KCNV1: variants seen among roughly 807,000 people sequenced by gnomAD.
The protein encoded by KCNV1 is potassium voltage-gated channel subfamily V member 1.
In KCNV1, 2 loss-of-function variants were observed where a neutral mutation model predicts 36.4. The ratio of observed to expected loss-of-function variants is 0.05; its 90% CI spans 0.02 to 0.17. The LOEUF is 0.17. KCNV1 is among the 10% of genes least tolerant of loss of function. The probability of loss-of-function intolerance (pLI) is 1.00; values close to 1 mark genes in which losing one functional copy is unlikely to be tolerated. For synonymous variants in KCNV1, 280 were observed against 261.1 expected, an observed-to-expected ratio of 1.07 and a Z score of -0.70; for missense variants, 321 against 643.6, an observed-to-expected ratio of 0.50 and a Z score of 5.42.
Position 109,972,287 on chromosome 8 carries a change from C to G in KCNV1, c.962G>C (p.Arg321Pro). ...GGAATGTCTGCCCAGCTTTAGCATGCGCAGAGCCCTGAGCAGCCTCAACAC... is the reference window on the plus strand; with the variant it reads ...GGAATGTCTGCCCAGCTTTAGCATGGGCAGAGCCCTGAGCAGCCTCAACAC... ...VQVLRLLRAL[R>P]MLKLGRHSTG... The change falls in exon 3 of 4, where the codon CGC (arginine) becomes CCC (proline). Residue 321 changes from arginine (R) to proline (P), a missense_variant. This residue lies in a region of KCNV1 where 141 missense variants were observed against 225.0 expected (regional missense o/e 0.63). Transcript: ENST00000524391. The surrounding 1 kb of genome is among the most constrained non-coding windows in gnomAD (Gnocchi z 5.2). The G allele has an allele frequency of 6.2e-7, 1 of 1,608,568 alleles. No homozygotes were observed. Among genetic ancestry groups the G allele is most frequent in the Non-Finnish European group, 8.5e-7 (1 of 1,177,606 alleles).
rs765796716 is a variant in KCNV1, at chr8:109,972,426, G to A, written c.823C>T (p.Pro275Ser). Residue 275 changes from proline (P) to serine (S), a missense_variant, in exon 3 of 4, where the codon CCA (proline) becomes TCA (serine). Pro to Ser is a moderately conservative substitution (Grantham distance 74, BLOSUM62 -1). This residue lies in a region of KCNV1 where 141 missense variants were observed against 225.0 expected (regional missense o/e 0.63). Transcript: ENST00000524391. This position sits in a 1 kb window ranked among gnomAD's most constrained non-coding sequence, Gnocchi z 5.2. ...RDRCRFLRKV[P>S]NIIDLLAILP... ...ATGGCAAGGAGGTCTATGATGTTTG[G>A]CACCTTTCTTAGGAAGCGACACCTG... 1 of 1,614,128 alleles carries A rather than the reference G, an allele frequency of 6.2e-7. No homozygotes were observed. The highest frequency in any genetic ancestry group is 8.5e-7 in the Non-Finnish European group (1 of 1,180,038).
rs1820062373 is a variant in KCNV1, at chr8:109,974,925, T to C, written c.-537A>G. The C allele has an allele frequency of 6.4e-6, 1 of 155,220 alleles. No homozygotes were observed. Among genetic ancestry groups the C allele is most frequent in the Non-Finnish European group, 1.4e-5 (1 of 70,132 alleles). 9.6% of individuals were successfully genotyped at this position (155,220 alleles called of 1,614,324 possible). On this transcript the variant is annotated 5_prime_UTR_variant, in exon 2 of 4. Transcript: ENST00000524391. This position sits in a 1 kb window ranked among gnomAD's most constrained non-coding sequence, Gnocchi z 6.2. ...AAGCAAGGGGGATGGCGAGACTCACTCCTGCCCGCAGGAGACCAAAACAAA... is the reference window on the plus strand; with the variant it reads ...AAGCAAGGGGGATGGCGAGACTCACCCCTGCCCGCAGGAGACCAAAACAAA...
chr8:109,973,848 G>A lies in KCNV1; in HGVS notation c.461+80C>T, dbSNP rs1425430794. 6.4e-6 allele frequency: 6 copies of A among 936,474 alleles called. No homozygotes were observed. In the South Asian group the frequency reaches 9.5e-5, roughly 15 times the overall value. 58.0% of individuals were successfully genotyped at this position (936,474 alleles called of 1,614,324 possible). Reference sequence around the variant, plus strand: ...CTGGCTCCAGCGAAGCTTGTGTAAAGCCTCAAATCTACCTGTGCCTTCCTC... The same window carrying A: ...CTGGCTCCAGCGAAGCTTGTGTAAAACCTCAAATCTACCTGTGCCTTCCTC... On this transcript the variant is annotated intron_variant, in intron 2 of 3. Coordinates refer to ENST00000524391, the MANE Select transcript of KCNV1 (RefSeq NM_014379.4).
rs1354564143 is a variant in KCNV1 at position 109,972,187 on chromosome 8, T to C, written c.991+71A>G. On this transcript the variant is annotated intron_variant, in intron 3 of 3. Coordinates refer to ENST00000524391, the MANE Select transcript of KCNV1 (RefSeq NM_014379.4). This position sits in a 1 kb window ranked among gnomAD's most constrained non-coding sequence, Gnocchi z 5.2. ...GAATATCAGTTCAGCGTTACTTTCCTTGTACTGTGGTCAAAAAACGAATGC... is the reference window on the plus strand; with the variant it reads ...GAATATCAGTTCAGCGTTACTTTCCCTGTACTGTGGTCAAAAAACGAATGC... The C allele has an allele frequency of 1.4e-6, 2 of 1,446,046 alleles. No individual in the cohort carries two copies. The highest frequency in any genetic ancestry group is 1.9e-6 in the Non-Finnish European group (2 of 1,069,504). 89.6% of individuals were successfully genotyped at this position (1,446,046 alleles called of 1,614,324 possible).
At position 109,967,106 on chromosome 8, in the gene KCNV1, T is replaced by C. The variant is rs895374671; in HGVS notation, c.*982A>G. On this transcript the variant is annotated 3_prime_UTR_variant, in exon 4 of 4. Transcript: ENST00000524391. ...CTGCAAAGTTTGAACATTTGCTATT[T>C]ACCCCAACAATCAGAAAGCTGTCCA... 3 of 152,216 alleles carry C rather than the reference T, an allele frequency of 2.0e-5. No individual in the cohort carries two copies. The highest frequency in any genetic ancestry group is 4.4e-5 in the Non-Finnish European group (3 of 68,020). The allele number at this position is 152,216 out of a possible 1,614,324, so 9.4% of individuals were successfully genotyped here.
chr8:109,973,406 T>G (rs567507473), intron 2 of KCNV1, among the ~76,000 whole-genome samples: 16 of 152,342 alleles, frequency 1.1e-4, no homozygotes, highest in African/African-American at 1.7e-4. Context: ...TGGAACTTTT[T>G]TGTGTGTGTG....
Position 109,963,772 on chromosome 8 carries a change from T to C in KCNV1, c.*4316A>G, listed in dbSNP as rs188697092. 1 of 152,304 alleles carries C rather than the reference T, an allele frequency of 6.6e-6. No homozygotes were observed. Among genetic ancestry groups the C allele is most frequent in the East Asian group, 1.9e-4 (1 of 5,182 alleles). The allele number at this position is 152,304 out of a possible 1,614,324, so 9.4% of individuals were successfully genotyped here. On this transcript the variant is annotated 3_prime_UTR_variant, in exon 4 of 4. Transcript: ENST00000524391. ...TTGATACTACTTTGCATTAAAATGA[T>C]AAATGCAACAATTTCTTGTATGTTA...
chr8:109,969,584 C>T (rs1056664363), intron 3 of KCNV1, among the ~76,000 whole-genome samples: 2 of 152,090 alleles, frequency 1.3e-5, no homozygotes, highest in Admixed American at 1.3e-4. Flanking sequence ...CGGTGGCTCA[C>T]GCCTATAATC....
In KCNV1 at chr8:109,974,263, C is replaced by G. The variant is rs769794827; in HGVS notation, c.126G>C (p.Thr42=). The G allele has an allele frequency of 8.8e-5, 137 of 1,554,526 alleles. No individual in the cohort carries two copies. The highest frequency in any genetic ancestry group is 1.2e-4 in the Non-Finnish European group (134 of 1,151,514). ...CGAAGCGGCTGCCGCCCACGTTGACCGTGAAGCAGTCCCCGAGCGCCAAGG... is the reference window on the plus strand; with the variant it reads ...CGAAGCGGCTGCCGCCCACGTTGACGGTGAAGCAGTCCCCGAGCGCCAAGG... ...GEPLALGDCF[T]VNVGGSRFVL... The change falls in exon 2 of 4, where the codon ACG becomes ACC. Residue 42 remains threonine, a synonymous_variant. Coordinates refer to ENST00000524391, the MANE Select transcript of KCNV1 (RefSeq NM_014379.4). This position sits in a 1 kb window ranked among gnomAD's most constrained non-coding sequence, Gnocchi z 6.2.
In KCNV1 at chr8:109,972,156, A is replaced by C. The variant is rs552020509; in HGVS notation, c.991+102T>G. On this transcript the variant is annotated intron_variant, in intron 3 of 3. Transcript: ENST00000524391. The surrounding 1 kb of genome is among the most constrained non-coding windows in gnomAD (Gnocchi z 5.2). ...GATCAGGTAAAGTATGGGAGTTGGTAATTTTGAATATCAGTTCAGCGTTAC... is the reference window on the plus strand; with the variant it reads ...GATCAGGTAAAGTATGGGAGTTGGTCATTTTGAATATCAGTTCAGCGTTAC... The C allele has an allele frequency of 8.2e-7, 1 of 1,213,550 alleles. No homozygotes were observed. The highest frequency in any genetic ancestry group is 2.4e-5 in the East Asian group (1 of 41,696). The allele number at this position is 1,213,550 out of a possible 1,614,324, so 75.2% of individuals were successfully genotyped here.
chr8:109,968,456 C>T lies in KCNV1; in HGVS notation c.1135G>A (p.Val379Ile). 2 of 1,614,074 alleles carry T rather than the reference C, an allele frequency of 1.2e-6. No individual in the cohort carries two copies. The highest frequency in any genetic ancestry group is 1.7e-6 in the Non-Finnish European group (2 of 1,179,958). Residue 379 changes from valine to isoleucine, a missense_variant, in exon 4 of 4, where the codon GTC becomes ATC. By Grantham distance (29) the Val-to-Ile change is conservative. Coordinates refer to ENST00000524391, the MANE Select transcript of KCNV1 (RefSeq NM_014379.4). This position sits in a 1 kb window ranked among gnomAD's most constrained non-coding sequence, Gnocchi z 5.3. ...QSIPDTTFTS[V>I]PCAWWWATTS... ...GTGGCCCACCACCATGCACAAGGGA[C>T]ACTTGTGAAGGTTGTGTCAGGAATG...
Position 109,968,298 on chromosome 8 carries a change from G to A in KCNV1, c.1293C>T (p.Phe431=). The change falls in exon 4 of 4, where the codon TTC becomes TTT. Residue 431 remains phenylalanine, a synonymous_variant. Transcript: ENST00000524391. The surrounding 1 kb of genome is among the most constrained non-coding windows in gnomAD (Gnocchi z 5.3). ...ALPIAIINDR[F]SACYFTLKLK... is the part of the protein sequence containing the mutation. ...GTTTCAAGGTGAAGTAGCAAGCAGAGAAGCGATCGTTAATAATAGCAATAG... is the reference window on the plus strand; with the variant it reads ...GTTTCAAGGTGAAGTAGCAAGCAGAAAAGCGATCGTTAATAATAGCAATAG... 1 of 1,614,168 alleles carries A rather than the reference G, an allele frequency of 6.2e-7. No individual in the cohort carries two copies.
In KCNV1 at chr8:109,972,173, C is replaced by T. The variant is rs1321148482; in HGVS notation, c.991+85G>A. ...GAGTTGGTAATTTTGAATATCAGTTCAGCGTTACTTTCCTTGTACTGTGGT... is the reference window on the plus strand; with the variant it reads ...GAGTTGGTAATTTTGAATATCAGTTTAGCGTTACTTTCCTTGTACTGTGGT... On this transcript the variant is annotated intron_variant, in intron 3 of 3. Coordinates refer to ENST00000524391, the MANE Select transcript of KCNV1 (RefSeq NM_014379.4). The surrounding 1 kb of genome is among the most constrained non-coding windows in gnomAD (Gnocchi z 5.2). The T allele has an allele frequency of 5.2e-6, 7 of 1,336,774 alleles. No individual in the cohort carries two copies. The highest frequency in any genetic ancestry group is 7.2e-6 in the Non-Finnish European group (7 of 978,960). The allele number at this position is 1,336,774 out of a possible 1,614,324, so 82.8% of individuals were successfully genotyped here. A position where few individuals can be genotyped will look rare whatever the true frequency, so the allele number is the denominator to read the frequency against.
intron 1 of KCNV1, among the ~76,000 whole-genome samples, 199 bp from the exon 2 acceptor site, chr8:109,975,391 A>T (rs1388287240): frequency 6.6e-6 from 1 of 152,058 alleles, no homozygotes; most frequent in Non-Finnish European, 1.5e-5. Context: ...AGCACAGCGG[A>T]GCTCTCATTT....
In KCNV1 at chr8:109,968,681, C is replaced by A; in HGVS notation, c.992-82G>T. 1 of 1,424,536 alleles carries A rather than the reference C, an allele frequency of 7.0e-7. No homozygotes were observed. The highest frequency in any genetic ancestry group is 9.5e-7 in the Non-Finnish European group (1 of 1,051,846). 88.2% of individuals were successfully genotyped at this position (1,424,536 alleles called of 1,614,324 possible). A position where few individuals can be genotyped will look rare whatever the true frequency, so the allele number is the denominator to read the frequency against. The stretch of plus-strand genomic sequence containing the variant: ...CTCCCCTCCCCTCTCCCTCCTTGCT[C>A]TGCCACCCACAAACTGCACTGCACA... On this transcript the variant is annotated intron_variant, in intron 3 of 3. Transcript: ENST00000524391. The surrounding 1 kb of genome is among the most constrained non-coding windows in gnomAD (Gnocchi z 5.3).
In KCNV1 at chr8:109,967,194, T is replaced by C. The variant is rs1332285592; in HGVS notation, c.*894A>G. 6.6e-6 allele frequency: 1 copy of C among 152,206 alleles called. No individual in the cohort carries two copies. Among genetic ancestry groups the C allele is most frequent in the Non-Finnish European group, 1.5e-5 (1 of 68,018 alleles). The allele number at this position is 152,206 out of a possible 1,614,324, so 9.4% of individuals were successfully genotyped here. ...TCATCCAGTGATGTCATTTAACATA[T>C]ATTTCCCATTTTATGAAATAAGATT... On this transcript the variant is annotated 3_prime_UTR_variant, in exon 4 of 4. Transcript: ENST00000524391.
intron 2 of KCNV1, among the ~76,000 whole-genome samples, chr8:109,973,046 C>T (rs981697805): frequency 8.0e-5 from 12 of 149,154 alleles, no homozygotes; most frequent in African/African-American, 3.0e-4. Context: ...GGAGTGATCT[C>T]GGCTTACTGT....
Position 109,974,037 on chromosome 8 carries a change from G to T in KCNV1, c.352C>A (p.Arg118Ser). The T allele has an allele frequency of 6.2e-7, 1 of 1,613,320 alleles. No homozygotes were observed. Among genetic ancestry groups the T allele is most frequent in the Non-Finnish European group, 8.5e-7 (1 of 1,179,906 alleles). ...QAFRYVLHYY[R>S]TGRLHVMEQL... ...TCCATGACATGCAGGCGGCCGGTGCGGTAGTAGTGCAGGACATATCGGAAC... is the reference window on the plus strand; with the variant it reads ...TCCATGACATGCAGGCGGCCGGTGCTGTAGTAGTGCAGGACATATCGGAAC... Residue 118 changes from arginine to serine, a missense_variant, in exon 2 of 4, where the codon CGC becomes AGC. Coordinates refer to ENST00000524391, the MANE Select transcript of KCNV1 (RefSeq NM_014379.4). This position sits in a 1 kb window ranked among gnomAD's most constrained non-coding sequence, Gnocchi z 6.2.
chr8:109,968,232 C>T lies in KCNV1; in HGVS notation c.1359G>A (p.Lys453=), dbSNP rs957102780. Residue 453 remains lysine (K), a synonymous_variant, in exon 4 of 4, where the codon AAG becomes AAA. Transcript: ENST00000524391. The surrounding 1 kb of genome is among the most constrained non-coding windows in gnomAD (Gnocchi z 5.3). ...AGTCAGTGGCTATATTCTTGGTAAG[C>T]TTCTTTAGGGCTTCACGCTGTCTAA... ...AAVRQREALK[K]LTKNIATDSY... The T allele has an allele frequency of 5.6e-6, 9 of 1,614,026 alleles. No individual in the cohort carries two copies. Among genetic ancestry groups the T allele is most frequent in the Admixed American group, 1.7e-5 (1 of 60,000 alleles).
Sources: allele counts gnomAD v4.1 joint callset (sites outside exome capture counted in the v4.1 genomes callset), GRCh38; gene constraint gnomAD v4.1.1; regional missense constraint gnomAD v4.1.1; non-coding constraint Gnocchi (gnomAD v3.1); transcripts MANE v1.5; gene names NCBI Gene and HGNC (gene_info 2026-07-23, HGNC 2026-07-21).